Variants in ALG12 observed in about 807,000 individuals in gnomAD.
ALG12 encodes dol-P-Man:Man(7)GlcNAc(2)-PP-Dol alpha-1,6-mannosyltransferase.
A neutral mutation model predicts 46.0 loss-of-function variants in ALG12; 36 were observed. The ratio of observed to expected loss-of-function variants is 0.78; its 90% CI spans 0.60 to 1.03. The LOEUF (loss-of-function observed/expected upper bound fraction) is 1.03. ALG12 is among the 50% of genes least tolerant of loss of function. The pLI, the probability that ALG12 is intolerant of heterozygous loss-of-function variation, is 0.00. For synonymous variants in ALG12, 326 were observed against 291.6 expected (o/e 1.12, Z -1.20); for missense variants, 599 against 633.5 (o/e 0.95, Z 0.58).
At chr22:49,881,764 T>C in the ALG12 span, among the ~76,000 whole-genome samples, 9,347 of 152,164 alleles carry the variant, frequency 0.061, 775 homozygotes, top group African/African-American at 0.19. Context: ...AACTTGTGGT[T>C]TCAAGCGATC....
rs1457416307 is a variant in ALG12 at position 49,906,520 on chromosome 22, A to T, written c.992+1201T>A. Among the ~76,000 whole-genome samples the T allele has an allele frequency of 6.6e-6, 1 of 152,070 alleles. No homozygotes were observed. The highest frequency in any genetic ancestry group is 1.5e-5 in the Non-Finnish European group (1 of 67,998). On this transcript the variant is annotated intron_variant, in intron 7 of 9. Transcript: ENST00000330817. This position sits in a 1 kb window ranked among gnomAD's most constrained non-coding sequence, Gnocchi z 4.4. ...GCAGCCAGAGGAGCTCCCAGGCCCGAGGGCAGTGCGGGGCAGTCGGAGCTG... is the reference window on the plus strand; with the variant it reads ...GCAGCCAGAGGAGCTCCCAGGCCCGTGGGCAGTGCGGGGCAGTCGGAGCTG...
At chr22:49,872,850 C>T in the ALG12 span, among the ~76,000 whole-genome samples, 26 of 152,188 alleles carry the variant, frequency 1.7e-4, no homozygotes, top group African/African-American at 5.5e-4. Flanking sequence ...GGACCGCAGG[C>T]ACCTGCCGGC....
intron 7 of ALG12, among the ~76,000 whole-genome samples, chr22:49,907,075 G>A (rs976554114): frequency 1.3e-5 from 2 of 151,944 alleles, no homozygotes; most frequent in African/African-American, 2.4e-5. Context: ...CCTGGGCCAC[G>A]CTGGGCCCTC....
chr22:49,904,143 G>A (rs1051713314), intron 9 of ALG12, 36 bp downstream of exon 9: 1 of 1,614,128 alleles, frequency 6.2e-7, no homozygotes, highest in South Asian at 1.1e-5. Flanking sequence ...GCCCTCACAT[G>A]GCCTCTGGGA....
chr22:49,866,274 C>T, the ALG12 span, among the ~76,000 whole-genome samples: 21 of 152,160 alleles, frequency 1.4e-4, no homozygotes, highest in Non-Finnish European at 4.4e-5. Flanking sequence ...TGTTCTCTTG[C>T]CCTGTCCCCT....
At chr22:49,872,063 A>G in the ALG12 span, among the ~76,000 whole-genome samples, 1 of 152,196 alleles carries the variant, frequency 6.6e-6, no homozygotes, top group Non-Finnish European at 1.5e-5. Flanking sequence ...TTAAAATAAG[A>G]CAATGAAGTT....
the ALG12 span, among the ~76,000 whole-genome samples, chr22:49,873,844 A>C: frequency 1.1e-5 from 1 of 89,438 alleles, no homozygotes; most frequent in Non-Finnish European, 3.2e-5. Context: ...TGCACGGCCC[A>C]CCTTGTAGGT....
At chr22:49,868,248 A>T in the ALG12 span, among the ~76,000 whole-genome samples, 1 of 152,204 alleles carries the variant, frequency 6.6e-6, no homozygotes, top group African/African-American at 2.4e-5. Context: ...GATTTGGGGA[A>T]ACTAAAAAAT....
chr22:49,909,170 A>C lies in ALG12; in HGVS notation c.768+74T>G. ...AGAGAAGGGAGAAGCAGCTGCTTCC[A>C]CTGCCCATGGAGGCCCAGGAGATGT... On this transcript the variant is annotated intron_variant, in intron 6 of 9. Transcript: ENST00000330817. 5 of 1,454,572 alleles carry C rather than the reference A, an allele frequency of 3.4e-6. No individual in the cohort carries two copies. In the Admixed American group the frequency reaches 8.4e-5, roughly 24 times the overall value. The allele number at this position is 1,454,572 out of a possible 1,614,324, so 90.1% of individuals were successfully genotyped here.
chr22:49,895,791 CAATT>C (rs1404903825), downstream of ALG12, among the ~76,000 whole-genome samples: 3 of 152,064 alleles, frequency 2.0e-5, no homozygotes, highest in East Asian at 1.9e-4. Flanking sequence ...TTTCTTTAAA[CAATT>C]AAAGAATTGC....
the ALG12 span, chr22:49,886,528 C>T: frequency 6.4e-7 from 1 of 1,568,308 alleles, no homozygotes; most frequent in Non-Finnish European, 8.6e-7. This position sits in a 1 kb window ranked among gnomAD's most constrained non-coding sequence, Gnocchi z 7.7. Flanking sequence ...CACCCTCAGC[C>T]AGGTCATCCC....
chr22:49,908,248 G>A (rs1235909696), intron 6 of ALG12, among the ~76,000 whole-genome samples: 7 of 152,146 alleles, frequency 4.6e-5, no homozygotes, highest in South Asian at 2.1e-4. Flanking sequence ...ACAGATGGTC[G>A]GCCGGGCGCA....
rs2060533368 is a variant in ALG12 at position 49,904,615 on chromosome 22, T to A, written c.993-109A>T. On this transcript the variant is annotated intron_variant, in intron 7 of 9. Coordinates refer to ENST00000330817, the MANE Select transcript of ALG12 (RefSeq NM_024105.4). ...CCTGCTGTTCAACTTCACCAAGTCATAACAAAGAGTTCACCACCAAATAAA... is the reference window on the plus strand; with the variant it reads ...CCTGCTGTTCAACTTCACCAAGTCAAAACAAAGAGTTCACCACCAAATAAA... 3 of 1,255,470 alleles carry A rather than the reference T, an allele frequency of 2.4e-6. No individual in the cohort carries two copies. In the African/African-American group the frequency reaches 4.4e-5, roughly 19 times the overall value. The allele number at this position is 1,255,470 out of a possible 1,614,324, so 77.8% of individuals were successfully genotyped here.
the ALG12 span, among the ~76,000 whole-genome samples, chr22:49,880,288 G>T: frequency 2.0e-5 from 3 of 152,206 alleles, no homozygotes; most frequent in Non-Finnish European, 4.4e-5. Context: ...AGCCCTGGCA[G>T]TTCTTTTCCC....
chr22:49,869,351 T>TGGC, the ALG12 span, among the ~76,000 whole-genome samples: 1 of 152,230 alleles, frequency 6.6e-6, no homozygotes, highest in Non-Finnish European at 1.5e-5. Flanking sequence ...CGTACCCGCG[T>TGGC]GGTGGTTATC....
chr22:49,908,055 G>T, intron 6 of ALG12, 111 bp from the exon 7 acceptor site: 1 of 1,106,222 alleles, frequency 9.0e-7, no homozygotes, highest in Non-Finnish European at 1.3e-6. Flanking sequence ...GAGAGATGCA[G>T]CCTGGACCAC....
rs1440801094 is a variant in ALG12, at chr22:49,905,357, A to T, written c.993-851T>A. The stretch of plus-strand genomic sequence containing the variant: ...GGCTCCTCGGAGCCCTCTTCTCCAC[A>T]GGCCCTGCCCTTTGCTATGGTTTGG... On this transcript the variant is annotated intron_variant, in intron 7 of 9. Coordinates refer to ENST00000330817, the MANE Select transcript of ALG12 (RefSeq NM_024105.4). This position sits in a 1 kb window ranked among gnomAD's most constrained non-coding sequence, Gnocchi z 4.9. Among the ~76,000 whole-genome samples the T allele has an allele frequency of 6.6e-6, 1 of 152,146 alleles. No homozygotes were observed.
At chr22:49,876,756 A>G in the ALG12 span, among the ~76,000 whole-genome samples, 1 of 152,106 alleles carries the variant, frequency 6.6e-6, no homozygotes, top group Non-Finnish European at 1.5e-5. Flanking sequence ...TTGCTCGAGT[A>G]TATCGACTTT....
rs939538989 is a variant in ALG12, at chr22:49,918,270, G to C, written c.-86C>G. 6.6e-6 allele frequency: 1 copy of C among 152,422 alleles called. No homozygotes were observed. Among genetic ancestry groups the C allele is most frequent in the African/African-American group, 2.4e-5 (1 of 41,470 alleles). 9.4% of individuals were successfully genotyped at this position (152,422 alleles called of 1,614,324 possible). On this transcript the variant is annotated 5_prime_UTR_variant, in exon 1 of 10. Coordinates refer to ENST00000330817, the MANE Select transcript of ALG12 (RefSeq NM_024105.4). ...GCGGCAGCGCGCACTGACCTCCGCAGCTCCCGGCGGCGTCCTTCGAAGCGC... is the reference window on the plus strand; with the variant it reads ...GCGGCAGCGCGCACTGACCTCCGCACCTCCCGGCGGCGTCCTTCGAAGCGC...
Sources: allele counts gnomAD v4.1 joint callset (sites outside exome capture counted in the v4.1 genomes callset), GRCh38; gene constraint gnomAD v4.1.1; non-coding constraint Gnocchi (gnomAD v3.1); transcripts MANE v1.5; gene names NCBI Gene and HGNC (gene_info 2026-07-23, HGNC 2026-07-21).